Variants in POU1F1 observed in about 807,000 individuals in gnomAD.
POU1F1 encodes the protein POU class 1 homeobox 1.
POU1F1 carries 23 observed loss-of-function variants against 32.3 expected under a neutral mutation model. That is an observed-to-expected ratio of 0.71 (90% CI 0.51 to 1.01). The LOEUF is 1.01. Ranked by LOEUF, POU1F1 falls within the 50% of genes least tolerant of loss-of-function variation. The pLI is 0.00. For missense variants in POU1F1, 323 were observed against 341.6 expected (o/e 0.95, Z 0.43); for synonymous variants, 120 against 115.6 (o/e 1.04, Z -0.25).
At chr3:87,266,974 G>A (rs1266989498) in intron 2 of POU1F1, among the ~76,000 whole-genome samples, 2 of 151,990 alleles carry the variant, frequency 1.3e-5, no homozygotes, top group African/African-American at 2.4e-5. Context: ...CCCTGAGAAA[G>A]AGTACAAAGA....
At position 87,260,121 on chromosome 3, in the gene POU1F1, A is replaced by T; in HGVS notation, c.666-17T>A. On this transcript the variant is annotated splice_polypyrimidine_tract_variant and intron_variant, in intron 5 of 5. Transcript: ENST00000350375. ...GCAGCAATGCTGGCGGGGGGTGGACATAGGGGGTGAAATTTTGTTGTTTTT... is the reference window on the plus strand; with the variant it reads ...GCAGCAATGCTGGCGGGGGGTGGACTTAGGGGGTGAAATTTTGTTGTTTTT... 1 of 1,604,546 alleles carries T rather than the reference A, an allele frequency of 6.2e-7. No homozygotes were observed. Among genetic ancestry groups the T allele is most frequent in the Non-Finnish European group, 8.5e-7 (1 of 1,173,726 alleles).
chr3:87,267,568 A>T (rs1184931944), intron 2 of POU1F1, among the ~76,000 whole-genome samples: 2 of 151,370 alleles, frequency 1.3e-5, no homozygotes, highest in Non-Finnish European at 1.5e-5. Context: ...AAAGTGTGTC[A>T]TCCCTGTTTC....
intron 5 of POU1F1, among the ~76,000 whole-genome samples, chr3:87,260,862 ATTATTTTTTTT>A (rs1462459393): frequency 7.0e-6 from 1 of 142,264 alleles, no homozygotes; most frequent in African/African-American, 2.6e-5. Flanking sequence ...TTACATTATT[ATTATTTTTTTT>A]TTATTTATTT....
Position 87,261,286 on chromosome 3 carries a change from T to G in POU1F1, c.652A>C (p.Arg218=), listed in dbSNP as rs1278164498. The change falls in exon 5 of 6, where the codon AGA becomes CGA. Residue 218 remains arginine, a synonymous_variant. Coordinates refer to ENST00000350375, the MANE Select transcript of POU1F1 (RefSeq NM_000306.4). The stretch of plus-strand genomic sequence containing the variant: ...TATAAAGAATACCTTATAGTTGTTC[T>G]TCGTTTTCTTTTCCTTTCATTTGCT... ...VGANERKRKR[R]TTISIAAKDA... 5 of 1,584,230 alleles carry G rather than the reference T, an allele frequency of 3.2e-6. No homozygotes were observed.
Position 87,267,105 on chromosome 3 carries a change from C to T in POU1F1, c.215-2593G>A, listed in dbSNP as rs566318570. Among the ~76,000 whole-genome samples, 157 of 152,134 alleles carry T rather than the reference C, an allele frequency of 1.0e-3. 1 individual carries two copies. The highest frequency in any genetic ancestry group is 3.3e-3 in the African/African-American group (139 of 41,524). ...AAAAAATTTGTGTGTTTTTTACTTA[C>T]GCATACTAAAAGGTCTAAATTTGTT... On this transcript the variant is annotated intron_variant, in intron 2 of 5. Coordinates refer to ENST00000350375, the MANE Select transcript of POU1F1 (RefSeq NM_000306.4).
rs1575975998 is a variant in POU1F1, at chr3:87,261,126, G to C, written c.665+147C>G. On this transcript the variant is annotated intron_variant, in intron 5 of 5. Transcript: ENST00000350375. Reference sequence around the variant, plus strand: ...GAGTTTCACCATGTTGGCCAGACTGGTCTCGAGCTCCTGACCTCAGGCCCG... The same window carrying C: ...GAGTTTCACCATGTTGGCCAGACTGCTCTCGAGCTCCTGACCTCAGGCCCG... The C allele has an allele frequency of 8.4e-6, 5 of 597,634 alleles. No homozygotes were observed. The East Asian group carries it at 9.2e-5, about 11-fold the overall frequency. 37.0% of individuals were successfully genotyped at this position (597,634 alleles called of 1,614,324 possible). A position where few individuals can be genotyped will look rare whatever the true frequency, so the allele number is the denominator to read the frequency against.
chr3:87,276,260 A>C, intron 1 of POU1F1, 61 bp downstream of exon 1: 1 of 1,555,792 alleles, frequency 6.4e-7, no homozygotes, highest in East Asian at 2.2e-5. Flanking sequence ...ATCAAGATTC[A>C]AAGCATTCAT....
chr3:87,261,704 T>C (rs1706517356), intron 4 of POU1F1, among the ~76,000 whole-genome samples: 1 of 152,204 alleles, frequency 6.6e-6, no homozygotes, highest in Admixed American at 6.5e-5. Flanking sequence ...AAGACTGGTG[T>C]GTGCAAATGT....
Position 87,259,698 on chromosome 3 carries a change from ATAAT to A in POU1F1, c.*192_*195del. 2 of 578,556 alleles carry A rather than the reference ATAAT, an allele frequency of 3.5e-6. No homozygotes were observed. Among genetic ancestry groups the A allele is most frequent in the Non-Finnish European group, 6.0e-6 (2 of 333,282 alleles). 35.8% of individuals were successfully genotyped at this position (578,556 alleles called of 1,614,324 possible). Reference sequence around the variant, plus strand: ...AAAATAGATAATGTGGCTTCTGAGAATAATTATTTTAAGTAAATAACATCAATAT... The same window carrying A: ...AAAATAGATAATGTGGCTTCTGAGAATATTTTAAGTAAATAACATCAATAT... On this transcript the variant is annotated 3_prime_UTR_variant, in exon 6 of 6. Transcript: ENST00000350375.
chr3:87,265,701 C>T (rs1206161872), intron 2 of POU1F1, among the ~76,000 whole-genome samples: 1 of 151,774 alleles, frequency 6.6e-6, no homozygotes, highest in Non-Finnish European at 1.5e-5. Flanking sequence ...AAACCCAATA[C>T]AGTATAACAA....
chr3:87,274,297 G>A (rs1265634845), intron 1 of POU1F1, among the ~76,000 whole-genome samples: 17 of 152,048 alleles, frequency 1.1e-4, no homozygotes, highest in Admixed American at 1.1e-3. Context: ...AAATCATCAA[G>A]TTGATAGGGA....
chr3:87,268,060 C>T (rs1489320394), intron 2 of POU1F1, among the ~76,000 whole-genome samples: 3 of 145,146 alleles, frequency 2.1e-5, no homozygotes, highest in African/African-American at 7.5e-5. Flanking sequence ...ATGTGTGATA[C>T]ATTTTTTATT....
In POU1F1 at chr3:87,273,173, A is replaced by G. The variant is rs118156452; in HGVS notation, c.214+174T>C. Among the ~76,000 whole-genome samples, 35 of 152,166 alleles carry G rather than the reference A, an allele frequency of 2.3e-4. No homozygotes were observed. In the East Asian group the frequency reaches 6.2e-3, roughly 27 times the overall value. On this transcript the variant is annotated intron_variant, in intron 2 of 5. Transcript: ENST00000350375. ...AGTAGGGAAATTAGGTATAACCCCT[A>G]TGGTCTCTGTGGGTGTCACAGAGCA...
chr3:87,263,000 C>T lies in POU1F1; in HGVS notation c.440-765G>A, dbSNP rs80165131. On this transcript the variant is annotated intron_variant, in intron 3 of 5. Coordinates refer to ENST00000350375, the MANE Select transcript of POU1F1 (RefSeq NM_000306.4). ...TTATTTCAGGACCTAAGGCTATATA[C>T]CTATATGTATAAAATGGTTGCATAT... Among the ~76,000 whole-genome samples the T allele has an allele frequency of 1.3e-3, 201 of 152,150 alleles. 1 individual carries two copies. In the East Asian group the frequency reaches 0.036, roughly 28 times the overall value.
At position 87,273,395 on chromosome 3, in the gene POU1F1, G is replaced by A; in HGVS notation, c.166C>T (p.Pro56Ser). The change falls in exon 2 of 6, where the codon CCT becomes TCT. Residue 56 changes from proline to serine, a missense_variant. Coordinates refer to ENST00000350375, the MANE Select transcript of POU1F1 (RefSeq NM_000306.4). The part of the protein sequence containing the change: ...STATGLHYSV[P>S]SCHYGNQPST... ...GGCTGGTTTCCATAATGACAGGAAG[G>A]AACAGAATAATGAAGTCCTGTTGCT... 2.5e-6 allele frequency: 4 copies of A among 1,612,328 alleles called. No individual in the cohort carries two copies. The highest frequency in any genetic ancestry group is 1.3e-5 in the African/African-American group (1 of 74,866).
intron 3 of POU1F1, among the ~76,000 whole-genome samples, chr3:87,263,888 A>C (rs920183785): frequency 6.6e-6 from 1 of 152,004 alleles, no homozygotes; most frequent in Non-Finnish European, 1.5e-5. Flanking sequence ...TATATCCATG[A>C]GATATCATTG....
In POU1F1 at chr3:87,260,128, G is replaced by T. The variant is rs755273670; in HGVS notation, c.666-24C>A. On this transcript the variant is annotated intron_variant, in intron 5 of 5. Coordinates refer to ENST00000350375, the MANE Select transcript of POU1F1 (RefSeq NM_000306.4). ...TGCTGGCGGGGGGTGGACATAGGGG[G>T]TGAAATTTTGTTGTTTTTAGTGAAG... 3.1e-6 allele frequency: 5 copies of T among 1,594,432 alleles called. No individual in the cohort carries two copies. In the African/African-American group the frequency reaches 5.4e-5, roughly 17 times the overall value.
chr3:87,264,406 G>T lies in POU1F1; in HGVS notation c.321C>A (p.Phe107Leu). 1.2e-6 allele frequency: 2 copies of T among 1,613,720 alleles called. No homozygotes were observed. Among genetic ancestry groups the T allele is most frequent in the Non-Finnish European group, 1.7e-6 (2 of 1,179,716 alleles). ...LLAEDPTAAD[F>L]KQELRRKSKL... Reference sequence around the variant, plus strand: ...TACTTTTCCGCCTGAGTTCCTGCTTGAAATCAGCAGCTGTGGGGTCCTCTG... The same window carrying T: ...TACTTTTCCGCCTGAGTTCCTGCTTTAAATCAGCAGCTGTGGGGTCCTCTG... Residue 107 changes from phenylalanine (F) to leucine (L), a missense_variant, in exon 3 of 6, where the codon TTC (phenylalanine) becomes TTA (leucine). Physicochemically the swap from Phe to Leu is conservative, Grantham distance 22. Coordinates refer to ENST00000350375, the MANE Select transcript of POU1F1 (RefSeq NM_000306.4).
intron 3 of POU1F1, 75 bp from the exon 4 acceptor site, chr3:87,262,310 C>A: frequency 6.5e-7 from 1 of 1,528,760 alleles, no homozygotes; most frequent in Admixed American, 1.7e-5. Flanking sequence ...TCACACAAAT[C>A]TGTGTATCTT....
Sources: allele counts gnomAD v4.1 joint callset (sites outside exome capture counted in the v4.1 genomes callset), GRCh38; gene constraint gnomAD v4.1.1; transcripts MANE v1.5; gene names NCBI Gene and HGNC (gene_info 2026-07-23, HGNC 2026-07-21).